ARHGAP44: variants seen among roughly 807,000 people sequenced by gnomAD.
The protein encoded by ARHGAP44 is rho GTPase-activating protein 44.
ARHGAP44 carries 43 observed loss-of-function variants against 106.8 expected under a neutral mutation model. The ratio of observed to expected loss-of-function variants is 0.40; its 90% CI spans 0.32 to 0.52. ARHGAP44 has a LOEUF of 0.52. ARHGAP44 is among the 20% of genes least tolerant of loss of function. ARHGAP44 has a pLI of 0.48. For synonymous variants in ARHGAP44, 439 were observed against 410.3 expected (o/e 1.07, Z -0.85); for missense variants, 866 against 1,050.5 (o/e 0.82, Z 2.43).
At position 12,988,267 on chromosome 17, in the gene ARHGAP44, A is replaced by G. The variant is rs551484168; in HGVS notation, c.2318-1765A>G. The G allele has an allele frequency of 3.9e-5, 6 of 152,350 alleles. No individual in the cohort carries two copies. The South Asian group carries it at 1.2e-3, about 32-fold the overall frequency. 9.4% of individuals were successfully genotyped at this position (152,350 alleles called of 1,614,324 possible). A position where few individuals can be genotyped will look rare whatever the true frequency, so the allele number is the denominator to read the frequency against. On this transcript the variant is annotated intron_variant, in intron 20 of 20. Transcript: ENST00000379672. The stretch of plus-strand genomic sequence containing the variant: ...TCTAAATTCATCACCGCCCTGTATT[A>G]TTCCCATTTGACTGCTGAGGCACAG...
At chr17:12,921,100 C>G (rs2038070310) in intron 6 of ARHGAP44, among the ~76,000 whole-genome samples, 1 of 152,010 alleles carries the variant, frequency 6.6e-6, no homozygotes, top group Non-Finnish European at 1.5e-5. Flanking sequence ...AAGATTTGCT[C>G]TTGTCACCCA....
At chr17:12,926,474 TA>T (rs902054788) in intron 6 of ARHGAP44, among the ~76,000 whole-genome samples, 57 of 108,670 alleles carry the variant, frequency 5.2e-4, no homozygotes, top group East Asian at 3.8e-4. Context: ...ATAATATATA[TA>T]ATATATATGT....
intron 6 of ARHGAP44, among the ~76,000 whole-genome samples, chr17:12,921,469 C>G (rs1242431732): frequency 2.6e-5 from 4 of 152,170 alleles, no homozygotes; most frequent in Admixed American, 2.6e-4. Context: ...CCTCAGGTCT[C>G]CCAAGTAGCT....
intron 10 of ARHGAP44, among the ~76,000 whole-genome samples, chr17:12,944,930 T>G (rs923199285): frequency 6.6e-6 from 1 of 152,134 alleles, no homozygotes; most frequent in Non-Finnish European, 1.5e-5. Context: ...TCACAACTCT[T>G]ATAGAGATCC....
Position 12,980,223 on chromosome 17 carries a change from C to T in ARHGAP44, c.1929C>T (p.Thr643=). The T allele has an allele frequency of 6.2e-7, 1 of 1,611,994 alleles. No homozygotes were observed. The highest frequency in any genetic ancestry group is 8.5e-7 in the Non-Finnish European group (1 of 1,179,304). Reference sequence around the variant, plus strand: ...CGCCTGCAGACCAGAGTCCTCACACCCTCCGGAAAGGTATGGCCCTGCTTC... The same window carrying T: ...CGCCTGCAGACCAGAGTCCTCACACTCTCCGGAAAGGTATGGCCCTGCTTC... ...SQPPADQSPH[T]LRKVSKKLAP... Residue 643 remains threonine, a synonymous_variant, in exon 19 of 21, where the codon ACC becomes ACT. Coordinates refer to ENST00000379672, the MANE Select transcript of ARHGAP44 (RefSeq NM_014859.6).
chr17:12,956,277 C>G (rs1034462863), intron 14 of ARHGAP44, among the ~76,000 whole-genome samples: 1 of 152,076 alleles, frequency 6.6e-6, no homozygotes, highest in Admixed American at 6.5e-5. Flanking sequence ...ACAGGTCAGG[C>G]AAGCTCTTAG....
chr17:12,984,579 CG>C lies in ARHGAP44; in HGVS notation c.1993del (p.Ala665LeufsTer28). 1.3e-6 allele frequency: 2 copies of C among 1,576,880 alleles called. No homozygotes were observed. The highest frequency in any genetic ancestry group is 1.7e-6 in the Non-Finnish European group (2 of 1,161,502). On this transcript the variant is annotated frameshift_variant, in exon 20 of 21. Coordinates refer to ENST00000379672, the MANE Select transcript of ARHGAP44 (RefSeq NM_014859.6). LOFTEE classifies it high-confidence loss of function. ...PIPPKVPFGQ[P>X]GAMADQSAGQ... ...CCACCCAAGGTCCCCTTTGGCCAGC[CG>C]GGGGCTATGGCAGACCAGTCCGCTG...
intron 1 of ARHGAP44, among the ~76,000 whole-genome samples, chr17:12,854,415 ACAGGTATG>A (rs2150854207): frequency 6.6e-6 from 1 of 152,274 alleles, no homozygotes; most frequent in African/African-American, 2.4e-5. Flanking sequence ...CAATATTATG[ACAGGTATG>A]CAGAAAGATT....
At chr17:12,841,613 C>G (rs1597920180) in intron 1 of ARHGAP44, among the ~76,000 whole-genome samples, 2 of 144,054 alleles carry the variant, frequency 1.4e-5, no homozygotes, top group Non-Finnish European at 3.0e-5. Context: ...CACACACACA[C>G]ACACACACAC....
At position 12,891,849 on chromosome 17, in the gene ARHGAP44, C is replaced by CAGTG. The variant is rs1029843092; in HGVS notation, c.54-3090_54-3087dup. Among the ~76,000 whole-genome samples the CAGTG allele has an allele frequency of 5.0e-4, 75 of 149,868 alleles. No individual in the cohort carries two copies. In the Middle Eastern group the frequency reaches 0.014, roughly 28 times the overall value. On this transcript the variant is annotated intron_variant, in intron 1 of 20. Transcript: ENST00000379672. ...CACTCTTGTCACCTAGGCTGGAGTG[C>CAGTG]AGTGGCATGATGTCGGCTCACTGCA...
intron 1 of ARHGAP44, among the ~76,000 whole-genome samples, chr17:12,815,439 A>C (rs139743910): frequency 6.6e-6 from 1 of 152,244 alleles, no homozygotes; most frequent in African/African-American, 2.4e-5. Context: ...CGTGAATAAT[A>C]GAATATAGCA....
At chr17:12,946,148 T>A (rs950148290) in intron 10 of ARHGAP44, among the ~76,000 whole-genome samples, 9 of 152,142 alleles carry the variant, frequency 5.9e-5, no homozygotes, top group Non-Finnish European at 1.0e-4. Context: ...CTGAAATTTT[T>A]AAAAAAATTA....
In ARHGAP44 at chr17:12,958,905, C is replaced by T. The variant is rs1023458918; in HGVS notation, c.1523+8C>T. On this transcript the variant is annotated splice_region_variant and intron_variant, in intron 16 of 20. Transcript: ENST00000379672. This position sits in a 1 kb window ranked among gnomAD's most constrained non-coding sequence, Gnocchi z 4.1. ...GTTTTACAAAAAGGATGGGTATGAA[C>T]TGGTGTCTCTTTCTCAGCACTGGGG... 2.5e-6 allele frequency: 4 copies of T among 1,598,796 alleles called. No homozygotes were observed. In the African/African-American group the frequency reaches 5.4e-5, roughly 21 times the overall value.
chr17:12,959,578 C>T (rs1008036256), intron 16 of ARHGAP44, among the ~76,000 whole-genome samples: 29 of 152,102 alleles, frequency 1.9e-4, no homozygotes, highest in Admixed American at 1.2e-3. Flanking sequence ...AAACAGGTTT[C>T]GTAACAAGCA....
Position 12,984,780 on chromosome 17 carries a change from C to G in ARHGAP44, c.2189C>G (p.Pro730Arg). 6.2e-7 allele frequency: 1 copy of G among 1,614,000 alleles called. No homozygotes were observed. Among genetic ancestry groups the G allele is most frequent in the Non-Finnish European group, 8.5e-7 (1 of 1,179,902 alleles). ...ACTTTGAGCAAATCGCGGCCCACTC[C>G]TAAGCCGCGACAGAGACCTACTCTG... is the stretch of plus-strand genomic sequence containing the variant. Reference protein sequence around the residue: ...TSTLSKSRPTPKPRQRPTLPP... With the variant: ...TSTLSKSRPTRKPRQRPTLPP... The change falls in exon 20 of 21, where the codon CCT becomes CGT. Residue 730 changes from proline (P) to arginine (R), a missense_variant. Physicochemically the swap from Pro to Arg is moderately radical, Grantham distance 103. Around this residue, in one of 2 missense-constraint regions of ARHGAP44, gnomAD observed 418 missense variants for 403.6 expected, o/e 1.04. Coordinates refer to ENST00000379672, the MANE Select transcript of ARHGAP44 (RefSeq NM_014859.6).
chr17:12,958,757 A>G lies in ARHGAP44; in HGVS notation c.1383A>G (p.Val461=). 3 of 1,613,936 alleles carry G rather than the reference A, an allele frequency of 1.9e-6. No homozygotes were observed. The highest frequency in any genetic ancestry group is 2.5e-6 in the Non-Finnish European group (3 of 1,179,872). The change falls in exon 16 of 21, where the codon GTA becomes GTG. Residue 461 remains valine (V), a synonymous_variant. Transcript: ENST00000379672. This position sits in a 1 kb window ranked among gnomAD's most constrained non-coding sequence, Gnocchi z 4.1. ...TTACTGGCAATTATGGGAGTCCAGT[A>G]CACGTGAACCATAATGCCAACTACA... ...FNITGNYGSP[V]HVNHNANYSS... is the part of the protein sequence containing the mutation.
chr17:12,834,203 C>G (rs540922057), intron 1 of ARHGAP44, among the ~76,000 whole-genome samples: 1 of 152,070 alleles, frequency 6.6e-6, no homozygotes, highest in Admixed American at 6.6e-5. Context: ...AGCTGCTCCT[C>G]TCTCCCCTCT....
chr17:12,984,508 T>C (rs1385901031), intron 19 of ARHGAP44, 23 bp from the exon 20 acceptor site: 1 of 1,505,958 alleles, frequency 6.6e-7, no homozygotes, highest in Non-Finnish European at 8.8e-7. Context: ...TGTTTTGTTG[T>C]TGTGTTGTGT....
At chr17:12,827,408 T>C (rs921401542) in intron 1 of ARHGAP44, among the ~76,000 whole-genome samples, 2 of 152,190 alleles carry the variant, frequency 1.3e-5, no homozygotes, top group African/African-American at 4.8e-5. Context: ...TATAAGTCAA[T>C]TTTTTATGAA....
Sources: allele counts gnomAD v4.1 joint callset (sites outside exome capture counted in the v4.1 genomes callset), GRCh38; gene constraint gnomAD v4.1.1; regional missense constraint gnomAD v4.1.1; non-coding constraint Gnocchi (gnomAD v3.1); transcripts MANE v1.5; gene names NCBI Gene and HGNC (gene_info 2026-07-23, HGNC 2026-07-21).